PCSK5: variants seen among roughly 807,000 people sequenced by gnomAD.
The protein encoded by PCSK5 is proprotein convertase subtilisin/kexin type 5.
PCSK5 carries 129 observed loss-of-function variants against 233.2 expected under a neutral mutation model. The observed-to-expected ratio is 0.55, with a 90% CI of 0.48 to 0.64. The LOEUF (loss-of-function observed/expected upper bound fraction) is 0.64, where lower values mean the gene tolerates loss of function less well. Among genes scored for constraint, PCSK5 ranks in the 30% least tolerant of loss-of-function variants. PCSK5 has a pLI of 0.00. For missense variants in PCSK5, 2,076 were observed against 2,430.1 expected, an observed-to-expected ratio of 0.85 and a Z score of 3.06; for synonymous variants, 825 against 879.2, an observed-to-expected ratio of 0.94 and a Z score of 1.09.
At chr9:76,149,470 A>G (rs1823577257) in intron 10 of PCSK5, among the ~76,000 whole-genome samples, 1 of 152,200 alleles carries the variant, frequency 6.6e-6, no homozygotes, top group Non-Finnish European at 1.5e-5. Flanking sequence ...AACTAAAGGA[A>G]AATTAAATAA....
At chr9:76,210,225 C>T (rs1452002230) in intron 20 of PCSK5, among the ~76,000 whole-genome samples, 1 of 152,168 alleles carries the variant, frequency 6.6e-6, no homozygotes, top group Non-Finnish European at 1.5e-5. Context: ...AAGCCAGTTA[C>T]TGTAAGCTAC....
At chr9:76,135,326 T>A (rs1241925458) in intron 10 of PCSK5, among the ~76,000 whole-genome samples, 1 of 152,094 alleles carries the variant, frequency 6.6e-6, no homozygotes, top group Non-Finnish European at 1.5e-5. Context: ...TATAGACTCA[T>A]GCTGAAACAA....
intron 2 of PCSK5, among the ~76,000 whole-genome samples, chr9:75,962,891 G>A (rs988825542): frequency 2.6e-5 from 4 of 152,166 alleles, no homozygotes; most frequent in African/African-American, 4.8e-5. Flanking sequence ...ATAAGACACT[G>A]TGTGTGTGTT....
intron 8 of PCSK5, among the ~76,000 whole-genome samples, chr9:76,103,217 C>T (rs1831836111): frequency 6.6e-6 from 1 of 152,124 alleles, no homozygotes; most frequent in Non-Finnish European, 1.5e-5. Flanking sequence ...TGCCCTTCTC[C>T]CCCATAGCTG....
At position 75,975,142 on chromosome 9, in the gene PCSK5, T is replaced by C. The variant is rs528061254; in HGVS notation, c.298-10990T>C. Among the ~76,000 whole-genome samples, 4 of 152,192 alleles carry C rather than the reference T, an allele frequency of 2.6e-5. 1 individual carries two copies. The South Asian group carries it at 8.3e-4, about 32-fold the overall frequency. The stretch of plus-strand genomic sequence containing the variant: ...GCAAAATGGATGAAATGAAAACTCC[T>C]GGTACCCAGCTCTGAACTTACAGGC... On this transcript the variant is annotated intron_variant, in intron 2 of 37. Coordinates refer to ENST00000674117, the MANE Select transcript of PCSK5 (RefSeq NM_001372043.1).
intron 1 of PCSK5, among the ~76,000 whole-genome samples, chr9:75,916,108 C>T (rs1822975504): frequency 6.6e-6 from 1 of 152,116 alleles, no homozygotes; most frequent in Non-Finnish European, 1.5e-5. Context: ...AAGCCAGGCT[C>T]AGGAATTGTC....
chr9:76,040,325 G>GTCTGTCTCTC (rs1829042394), intron 5 of PCSK5, among the ~76,000 whole-genome samples: 1 of 78,976 alleles, frequency 1.3e-5, no homozygotes. Context: ...TGTGTTCTCT[G>GTCTGTCTCTC]TCTCTCTCTC....
chr9:75,904,789 T>A (rs1484826111), intron 1 of PCSK5, among the ~76,000 whole-genome samples: 1 of 152,210 alleles, frequency 6.6e-6, no homozygotes, highest in Non-Finnish European at 1.5e-5. Context: ...CCAGCAGTTC[T>A]CTCCTAAATG....
At chr9:76,021,517 G>A (rs1828188508) in intron 3 of PCSK5, among the ~76,000 whole-genome samples, 1 of 152,092 alleles carries the variant, frequency 6.6e-6, no homozygotes, top group Non-Finnish European at 1.5e-5. Context: ...ATAGTAGAGA[G>A]TGTGTGTTCA....
At chr9:75,987,128 A>G (rs1291037568) in intron 3 of PCSK5, among the ~76,000 whole-genome samples, 1 of 152,100 alleles carries the variant, frequency 6.6e-6, no homozygotes, top group Non-Finnish European at 1.5e-5. Flanking sequence ...AAGAACATGA[A>G]TCCATAGCAT....
intron 33 of PCSK5, among the ~76,000 whole-genome samples, chr9:76,330,485 A>T (rs1013643221): frequency 2.2e-4 from 34 of 152,160 alleles, no homozygotes; most frequent in Non-Finnish European, 8.8e-5. Context: ...GCAGTGGCTC[A>T]TGCCTGTAAT....
At chr9:76,333,048 A>T (rs1201509880) in intron 34 of PCSK5, among the ~76,000 whole-genome samples, 1 of 152,236 alleles carries the variant, frequency 6.6e-6, no homozygotes, top group Non-Finnish European at 1.5e-5. Context: ...TGGTGCCATC[A>T]GGCTATAGTC....
intron 2 of PCSK5, among the ~76,000 whole-genome samples, chr9:75,938,520 C>T (rs892391782): frequency 6.6e-5 from 10 of 152,166 alleles, no homozygotes; most frequent in Admixed American, 6.5e-5. Context: ...CCCAGACACA[C>T]GAAGTGAGCA....
intron 2 of PCSK5, among the ~76,000 whole-genome samples, chr9:75,983,876 A>G (rs1265924811): frequency 6.6e-6 from 1 of 152,212 alleles, no homozygotes; most frequent in East Asian, 1.9e-4. Flanking sequence ...CTTTCCAGTC[A>G]TAGAAACCTT....
Position 76,188,664 on chromosome 9 carries a change from C to T in PCSK5, c.2369C>T (p.Ala790Val). The change falls in exon 18 of 38, where the codon GCC (alanine) becomes GTC (valine). Residue 790 changes from alanine (A) to valine (V), a missense_variant. Transcript: ENST00000674117. The part of the protein sequence containing the change: ...QDCQPCHRFC[A>V]TCAGAGADGC... ...TGCCAGCCCTGCCACCGCTTCTGCGCCACTTGTGCTGGTACCTTCCCTAGT... is the reference window on the plus strand; with the variant it reads ...TGCCAGCCCTGCCACCGCTTCTGCGTCACTTGTGCTGGTACCTTCCCTAGT... 6.2e-7 allele frequency: 1 copy of T among 1,612,394 alleles called. No homozygotes were observed. Among genetic ancestry groups the T allele is most frequent in the Non-Finnish European group, 8.5e-7 (1 of 1,178,448 alleles).
chr9:75,979,564 G>A (rs892477356), intron 2 of PCSK5, among the ~76,000 whole-genome samples: 3 of 152,154 alleles, frequency 2.0e-5, no homozygotes, highest in Admixed American at 2.0e-4. Context: ...TCCACTGGAG[G>A]GCGAATGCAA....
intron 9 of PCSK5, among the ~76,000 whole-genome samples, chr9:76,128,117 T>A (rs182816016): frequency 6.7e-4 from 102 of 152,310 alleles, no homozygotes; most frequent in Admixed American, 1.6e-3. Flanking sequence ...TTATACATGC[T>A]AAGTCCTGGG....
intron 1 of PCSK5, among the ~76,000 whole-genome samples, chr9:75,931,666 A>T (rs1823807430): frequency 6.6e-6 from 1 of 152,254 alleles, no homozygotes; most frequent in Non-Finnish European, 1.5e-5. Flanking sequence ...TTTCAAAGCC[A>T]TCCTAAACAG....
intron 3 of PCSK5, among the ~76,000 whole-genome samples, chr9:75,995,756 C>CAG (rs920650929): frequency 2.5e-5 from 3 of 120,256 alleles, no homozygotes; most frequent in African/African-American, 8.1e-5. Context: ...CACACACACA[C>CAG]ACACACACAC....
Sources: gnomAD v4.1 joint callset for allele counts (sites outside exome capture counted in the v4.1 genomes callset) on GRCh38, gnomAD v4.1.1 for gene constraint, MANE v1.5 for transcripts, NCBI Gene and HGNC (gene_info 2026-07-23, HGNC 2026-07-21) for gene names.